Variants in CEP128 observed in about 807,000 individuals in gnomAD.
CEP128 encodes the protein centrosomal protein 128.
Under a neutral mutation model 156.7 loss-of-function variants are expected in CEP128, and 132 were observed. The ratio of observed to expected loss-of-function variants is 0.84; its 90% CI spans 0.73 to 0.97. CEP128 has a LOEUF of 0.97. Ranked by LOEUF, CEP128 falls within the 50% of genes least tolerant of loss-of-function variation. The probability of loss-of-function intolerance (pLI) is 0.00; values close to 1 mark genes in which losing one functional copy is unlikely to be tolerated. For synonymous variants in CEP128, 469 were observed against 448.9 expected (o/e 1.04, Z -0.57); for missense variants, 1,252 against 1,281.9 (o/e 0.98, Z 0.36).
chr14:80,776,481 ATATT>A (rs1264095694), intron 16 of CEP128, among the ~76,000 whole-genome samples: 1 of 148,068 alleles, frequency 6.8e-6, no homozygotes, highest in Admixed American at 6.8e-5. Context: ...ATTTATATAT[ATATT>A]TAATTTTATA....
At chr14:80,796,863 A>G (rs959299585) in intron 13 of CEP128, among the ~76,000 whole-genome samples, 1 of 152,224 alleles carries the variant, frequency 6.6e-6, no homozygotes. Context: ...TAGCAAGTCA[A>G]GAAGTAAACT....
intron 9 of CEP128, among the ~76,000 whole-genome samples, chr14:80,856,113 C>T (rs2140135138): frequency 6.6e-6 from 1 of 152,220 alleles, no homozygotes; most frequent in East Asian, 1.9e-4. Flanking sequence ...TATTGATGAG[C>T]TTCACATAAC....
Position 80,686,895 on chromosome 14 carries a change from C to A in CEP128, c.2806+56180G>T, listed in dbSNP as rs571178605. Among the ~76,000 whole-genome samples, 77 of 152,148 alleles carry A rather than the reference C, an allele frequency of 5.1e-4. 1 individual carries two copies. Among genetic ancestry groups the A allele is most frequent in the African/African-American group, 1.8e-3 (74 of 41,522 alleles). On this transcript the variant is annotated intron_variant, in intron 19 of 24. Coordinates refer to ENST00000555265, the MANE Select transcript of CEP128 (RefSeq NM_152446.5). ...CAATTCAACAAAAAGATCTAACTAA[C>A]CTAAATATATCTGCACCCAATGCAG...
intron 19 of CEP128, among the ~76,000 whole-genome samples, chr14:80,664,189 G>A (rs73332674): frequency 0.037 from 5,699 of 152,078 alleles, 220 homozygotes; most frequent in East Asian, 0.22. Context: ...AATAGGAGAC[G>A]CCCTCTGATC....
chr14:80,746,883 T>C (rs1018629549), intron 18 of CEP128, among the ~76,000 whole-genome samples: 2 of 152,158 alleles, frequency 1.3e-5, no homozygotes, highest in Admixed American at 6.5e-5. Context: ...AAGTCAGTAA[T>C]AAAAAGACAA....
intron 19 of CEP128, among the ~76,000 whole-genome samples, chr14:80,665,377 G>C (rs1006206144): frequency 5.3e-5 from 8 of 152,110 alleles, no homozygotes; most frequent in Non-Finnish European, 1.2e-4. Context: ...TGGGAGAAAA[G>C]GCATAAGGCA....
chr14:80,668,235 T>A (rs947993591), intron 19 of CEP128, among the ~76,000 whole-genome samples: 1 of 152,170 alleles, frequency 6.6e-6, no homozygotes, highest in Non-Finnish European at 1.5e-5. Context: ...AGAGCTGGAA[T>A]TCAAACCTAG....
intron 19 of CEP128, among the ~76,000 whole-genome samples, chr14:80,678,015 A>G (rs1896135819): frequency 7.2e-6 from 1 of 139,382 alleles, no homozygotes; most frequent in African/African-American, 2.9e-5. Context: ...TCCAACCTCT[A>G]CTTTCAACAT....
Position 80,497,360 on chromosome 14 carries a change from TACCAAAGA to T in CEP128, c.*111_*118del. ...TGTCACTTTTGTCAATGTTTGGCAA[TACCAAAGA>T]GCCAAAGCTGCAGGTATGTCTGTTA... On this transcript the variant is annotated 3_prime_UTR_variant, in exon 25 of 25. Coordinates refer to ENST00000555265, the MANE Select transcript of CEP128 (RefSeq NM_152446.5). 1.5e-6 allele frequency: 1 copy of T among 653,002 alleles called. No individual in the cohort carries two copies. Among genetic ancestry groups the T allele is most frequent in the Non-Finnish European group, 2.6e-6 (1 of 378,466 alleles). The allele number at this position is 653,002 out of a possible 1,614,324, so 40.5% of individuals were successfully genotyped here.
chr14:80,602,290 G>A (rs1046631850), intron 19 of CEP128, among the ~76,000 whole-genome samples: 5 of 152,104 alleles, frequency 3.3e-5, no homozygotes, highest in African/African-American at 1.2e-4. Context: ...TTCAATATAG[G>A]ATAGAACAAA....
chr14:80,670,595 T>TA (rs1303191121), intron 19 of CEP128, among the ~76,000 whole-genome samples: 1 of 152,066 alleles, frequency 6.6e-6, no homozygotes, highest in Admixed American at 6.5e-5. Flanking sequence ...CACATGGACA[T>TA]AGAGTGTGGA....
At chr14:80,838,175 G>C (rs2140073233) in intron 11 of CEP128, 29 bp downstream of exon 11, 1 of 1,481,642 alleles carries the variant, frequency 6.7e-7, no homozygotes, top group Non-Finnish European at 9.4e-7. Flanking sequence ...TAATGTAAAA[G>C]TATATTATAA....
rs1032852212 is a variant in CEP128, at chr14:80,673,228, C to G, written c.2806+69847G>C. Among the ~76,000 whole-genome samples the G allele has an allele frequency of 3.3e-5, 5 of 152,138 alleles. No individual in the cohort carries two copies. In the South Asian group the frequency reaches 6.2e-4, roughly 19 times the overall value. On this transcript the variant is annotated intron_variant, in intron 19 of 24. Transcript: ENST00000555265. Reference sequence around the variant, plus strand: ...AATTCCATTCTGAAATCATAAAATACGTCTTTGCGGTATTTGTTTGCACTA... The same window carrying G: ...AATTCCATTCTGAAATCATAAAATAGGTCTTTGCGGTATTTGTTTGCACTA...
chr14:80,554,149 A>G (rs1399799127), intron 21 of CEP128, among the ~76,000 whole-genome samples: 1 of 152,162 alleles, frequency 6.6e-6, no homozygotes, highest in African/African-American at 2.4e-5. Flanking sequence ...ATCTGTCACT[A>G]TGCTATAAAT....
At chr14:80,955,810 A>G (rs1438707214) in intron 2 of CEP128, 2 of 1,614,204 alleles carry the variant, frequency 1.2e-6, no homozygotes, top group Admixed American at 3.3e-5. Context: ...CTGCAAGGAT[A>G]TTCAACGCAT....
intron 6 of CEP128, 85 bp downstream of exon 6, chr14:80,904,728 G>T: frequency 2.5e-6 from 2 of 806,866 alleles, no homozygotes; most frequent in Non-Finnish European, 2.2e-6. Context: ...TTAAAATATA[G>T]CCTTAAAGTT....
chr14:80,594,516 T>A (rs139555132), intron 19 of CEP128, among the ~76,000 whole-genome samples: 17,397 of 152,118 alleles, frequency 0.11, 1,334 homozygotes, highest in East Asian at 0.32. Context: ...AAAGGAACTA[T>A]CATCAGAGTG....
At chr14:80,684,566 G>A (rs1896451388) in intron 19 of CEP128, among the ~76,000 whole-genome samples, 1 of 151,718 alleles carries the variant, frequency 6.6e-6, no homozygotes, top group Non-Finnish European at 1.5e-5. Flanking sequence ...AAAAATCAAG[G>A]AGGAGTAACT....
chr14:80,506,918 T>G (rs977598244), intron 23 of CEP128, among the ~76,000 whole-genome samples: 2 of 152,010 alleles, frequency 1.3e-5, no homozygotes, highest in African/African-American at 4.8e-5. Context: ...AGATGGGGCC[T>G]GCTGGGAGGT....
Sources: allele counts gnomAD v4.1 joint callset (sites outside exome capture counted in the v4.1 genomes callset), GRCh38; gene constraint gnomAD v4.1.1; transcripts MANE v1.5; gene names NCBI Gene and HGNC (gene_info 2026-07-23, HGNC 2026-07-21).